CTNNA3: variants seen among roughly 807,000 people sequenced by gnomAD.
CTNNA3 encodes catenin alpha 3.
In CTNNA3, 76 loss-of-function variants were observed where a neutral mutation model predicts 95.7. The observed-to-expected ratio is 0.79, with a 90% CI of 0.66 to 0.96. The LOEUF is 0.96. CTNNA3 is among the 40% of genes least tolerant of loss of function. CTNNA3 has a pLI of 0.00. For missense variants in CTNNA3, 1,191 were observed against 1,089.8 expected, an observed-to-expected ratio of 1.09 and a Z score of -1.31; for synonymous variants, 431 against 374.4, an observed-to-expected ratio of 1.15 and a Z score of -1.74.
intron 1 of CTNNA3, among the ~76,000 whole-genome samples, chr10:67,686,018 T>A (rs1283307934): frequency 1.3e-5 from 2 of 152,192 alleles, no homozygotes; most frequent in Non-Finnish European, 2.9e-5. Flanking sequence ...TCTCTGGTGG[T>A]TTTGGCAGTC....
chr10:66,752,892 T>C (rs916151132), intron 9 of CTNNA3, among the ~76,000 whole-genome samples: 4 of 152,022 alleles, frequency 2.6e-5, no homozygotes, highest in African/African-American at 9.7e-5. Flanking sequence ...AGAGTGACTC[T>C]ATTTAAATGC....
chr10:67,732,495 G>T (rs191765742), intron 1 of CTNNA3, among the ~76,000 whole-genome samples: 81 of 152,286 alleles, frequency 5.3e-4, no homozygotes, highest in African/African-American at 1.9e-3. Context: ...GCCACTCGTG[G>T]TCTAAGCAGT....
chr10:67,621,742 T>C (rs1843851761), intron 2 of CTNNA3, among the ~76,000 whole-genome samples: 1 of 131,148 alleles, frequency 7.6e-6, no homozygotes. Flanking sequence ...CAGCTAGACA[T>C]CATCTCAAAA....
chr10:66,100,239 C>T (rs1182494569), intron 14 of CTNNA3, among the ~76,000 whole-genome samples: 1 of 152,000 alleles, frequency 6.6e-6, no homozygotes, highest in African/African-American at 2.4e-5. Flanking sequence ...AATGCATTTC[C>T]AAATTGTCCA....
intron 5 of CTNNA3, among the ~76,000 whole-genome samples, chr10:67,502,987 C>T (rs11814259): frequency 0.015 from 2,216 of 152,290 alleles, 50 homozygotes; most frequent in African/African-American, 0.051. Context: ...AGTTCTGACT[C>T]GCTGGCATTC....
intron 5 of CTNNA3, among the ~76,000 whole-genome samples, chr10:67,434,966 T>C (rs1452863549): frequency 2.0e-5 from 3 of 151,996 alleles, no homozygotes; most frequent in East Asian, 3.9e-4. Context: ...GGAGTAGATG[T>C]ATATACAGGT....
At chr10:66,390,241 A>G (rs2092925160) in intron 11 of CTNNA3, among the ~76,000 whole-genome samples, 1 of 152,162 alleles carries the variant, frequency 6.6e-6, no homozygotes, top group Non-Finnish European at 1.5e-5. Flanking sequence ...CAGAGGTAAA[A>G]GTTTCTCCTT....
chr10:66,620,888 C>A (rs1420307921), intron 10 of CTNNA3, among the ~76,000 whole-genome samples: 1 of 152,100 alleles, frequency 6.6e-6, no homozygotes, highest in Non-Finnish European at 1.5e-5. Context: ...AGTCCCTAAT[C>A]TTTGTTATTT....
intron 7 of CTNNA3, among the ~76,000 whole-genome samples, chr10:67,064,001 G>C (rs1418917998): frequency 1.3e-5 from 2 of 152,158 alleles, no homozygotes; most frequent in African/African-American, 4.8e-5. Context: ...GAATTTTAGA[G>C]TCATCTCCCT....
chr10:66,015,200 A>T (rs2079071671), intron 15 of CTNNA3, among the ~76,000 whole-genome samples: 2 of 152,162 alleles, frequency 1.3e-5, no homozygotes, highest in South Asian at 2.1e-4. Context: ...AATGATTTTT[A>T]AAAATACATA....
intron 1 of CTNNA3, among the ~76,000 whole-genome samples, chr10:67,670,120 C>A (rs1171907676): frequency 3.3e-5 from 5 of 152,178 alleles, no homozygotes; most frequent in Non-Finnish European, 7.4e-5. Context: ...GTGTCTTGTT[C>A]CCACATAAGA....
At chr10:66,753,188 T>G (rs1839229199) in intron 9 of CTNNA3, among the ~76,000 whole-genome samples, 2 of 152,290 alleles carry the variant, frequency 1.3e-5, no homozygotes, top group South Asian at 2.1e-4. Flanking sequence ...CTTCCATTTG[T>G]AAGTTCTCCC....
At chr10:66,739,606 T>C (rs1849259513) in intron 9 of CTNNA3, among the ~76,000 whole-genome samples, 1 of 152,220 alleles carries the variant, frequency 6.6e-6, no homozygotes, top group Admixed American at 6.5e-5. Context: ...GATTATCTTA[T>C]ATATAGATAG....
At chr10:67,211,948 T>A (rs1026704348) in intron 6 of CTNNA3, among the ~76,000 whole-genome samples, 6 of 152,102 alleles carry the variant, frequency 3.9e-5, no homozygotes, top group Admixed American at 2.0e-4. Flanking sequence ...AATGTGCAGA[T>A]AAACACCCTA....
At chr10:66,399,502 C>T (rs2132554259) in intron 11 of CTNNA3, among the ~76,000 whole-genome samples, 1 of 151,934 alleles carries the variant, frequency 6.6e-6, no homozygotes, top group African/African-American at 2.4e-5. Flanking sequence ...CTAATTTATT[C>T]TGTGGTATAT....
At chr10:66,052,958 A>G (rs2079993654) in intron 15 of CTNNA3, among the ~76,000 whole-genome samples, 1 of 152,146 alleles carries the variant, frequency 6.6e-6, no homozygotes, top group South Asian at 2.1e-4. Context: ...TCATTTCTGA[A>G]AAAAATTCTA....
chr10:67,677,627 T>C (rs965171804), intron 1 of CTNNA3, among the ~76,000 whole-genome samples: 3 of 152,098 alleles, frequency 2.0e-5, no homozygotes, highest in Non-Finnish European at 4.4e-5. Flanking sequence ...GAAGCTGCTT[T>C]TCAGGTAGCC....
chr10:66,843,428 G>A (rs1044987675), intron 7 of CTNNA3, among the ~76,000 whole-genome samples: 3 of 152,218 alleles, frequency 2.0e-5, no homozygotes, highest in Non-Finnish European at 4.4e-5. Flanking sequence ...AATGTGAGAT[G>A]TGCCTGATAA....
intron 15 of CTNNA3, among the ~76,000 whole-genome samples, chr10:66,040,063 A>G (rs2079653617): frequency 6.6e-6 from 1 of 152,238 alleles, no homozygotes; most frequent in African/African-American, 2.4e-5. Context: ...AAATAGGCAA[A>G]GGACATGAAC....
Sources: allele counts gnomAD v4.1 joint callset (sites outside exome capture counted in the v4.1 genomes callset), GRCh38; gene constraint gnomAD v4.1.1; transcripts MANE v1.5; gene names NCBI Gene and HGNC (gene_info 2026-07-23, HGNC 2026-07-21).